Variants in ZNF573 observed in about 807,000 individuals in gnomAD.
ZNF573 encodes zinc finger protein 573.
ZNF573 carries 41 observed loss-of-function variants against 57.4 expected under a neutral mutation model. The ratio of observed to expected loss-of-function variants is 0.71; its 90% CI spans 0.56 to 0.93. The LOEUF (loss-of-function observed/expected upper bound fraction) is 0.93, where lower values mean the gene tolerates loss of function less well. ZNF573 is among the 40% of genes least tolerant of loss of function. The pLI, the probability that ZNF573 is intolerant of heterozygous loss-of-function variation, is 0.00. For synonymous variants in ZNF573, 249 were observed against 261.0 expected, an observed-to-expected ratio of 0.95 and a Z score of 0.44; for missense variants, 730 against 794.8, an observed-to-expected ratio of 0.92 and a Z score of 0.98.
chr19:37,738,567 C>A lies in ZNF573; in HGVS notation c.1923G>T (p.Lys641Asn). 1 of 1,600,076 alleles carries A rather than the reference C, an allele frequency of 6.2e-7. No individual in the cohort carries two copies. The highest frequency in any genetic ancestry group is 1.3e-5 in the African/African-American group (1 of 74,500). The change falls in exon 5 of 5, where the codon AAG becomes AAT. Residue 641 changes from lysine to asparagine, a missense_variant. Physicochemically the swap from Lys to Asn is moderately conservative, Grantham distance 94. Transcript: ENST00000536220. ...IHTGEKPYVC[K>N]QCGKTFRYGS... ...CATATCTGAAGGTTTTCCCACACTG[C>A]TTACACACATAGGGTTTCTCACCAG... is the stretch of plus-strand genomic sequence containing the variant.
chr19:37,750,504 A>G (rs75808014), intron 4 of ZNF573, among the ~76,000 whole-genome samples: 22 of 152,310 alleles, frequency 1.4e-4, no homozygotes, highest in African/African-American at 5.3e-4. Context: ...ACACATGATG[A>G]CCAAATTGGA....
Position 37,739,050 on chromosome 19 carries a change from A to G in ZNF573, c.1440T>C (p.Ser480=), listed in dbSNP as rs372094990. 16 of 1,612,882 alleles carry G rather than the reference A, an allele frequency of 9.9e-6. No homozygotes were observed. The highest frequency in any genetic ancestry group is 1.3e-5 in the Non-Finnish European group (15 of 1,179,700). Residue 480 remains serine, a synonymous_variant, in exon 5 of 5, where the codon AGT becomes AGC. Coordinates refer to ENST00000536220, the MANE Select transcript of ZNF573 (RefSeq NM_001172690.2). ...GATGTTGAATAAGGTTTGAGCCAGTACTATAGGCCTTCCCACATTCCTGAC... is the reference window on the plus strand; with the variant it reads ...GATGTTGAATAAGGTTTGAGCCAGTGCTATAGGCCTTCCCACATTCCTGAC... ...FECQECGKAY[S]TGSNLIQHRK...
intron 4 of ZNF573, among the ~76,000 whole-genome samples, chr19:37,762,837 T>A (rs1379269738): frequency 6.6e-6 from 1 of 151,462 alleles, no homozygotes; most frequent in Non-Finnish European, 1.5e-5. Flanking sequence ...AGTGGTGCGA[T>A]CTCGGCTCAC....
At position 37,739,726 on chromosome 19, in the gene ZNF573, A is replaced by G. The variant is rs145243902; in HGVS notation, c.764T>C (p.Phe255Ser). The change falls in exon 5 of 5, where the codon TTT becomes TCT. Residue 255 changes from phenylalanine (F) to serine (S), a missense_variant. Coordinates refer to ENST00000536220, the MANE Select transcript of ZNF573 (RefSeq NM_001172690.2). ...AATTCTAAGATGTCCACCTTGACTA[A>G]AGGCCCTCCCACACTCCTGACATTC... ...PYECQECGRAFSQGGHLRIHQ... is the reference protein window; with the variant it reads ...PYECQECGRASSQGGHLRIHQ... The G allele has an allele frequency of 6.2e-6, 10 of 1,613,570 alleles. No individual in the cohort carries two copies. The African/African-American group carries it at 1.3e-4, about 22-fold the overall frequency.
intron 4 of ZNF573, among the ~76,000 whole-genome samples, chr19:37,745,497 C>A (rs1273274842): frequency 6.6e-6 from 1 of 151,946 alleles, no homozygotes; most frequent in African/African-American, 2.4e-5. Flanking sequence ...CCGGGTTCAA[C>A]GGATTCTACT....
intron 4 of ZNF573, among the ~76,000 whole-genome samples, chr19:37,747,611 C>T (rs1416602234): frequency 1.3e-5 from 2 of 152,034 alleles, no homozygotes; most frequent in Admixed American, 6.6e-5. Flanking sequence ...ACCTGGCAGA[C>T]ACTACTTTAG....
chr19:37,779,246 G>A (rs2045741056), intron 1 of ZNF573, among the ~76,000 whole-genome samples: 1 of 152,102 alleles, frequency 6.6e-6, no homozygotes, highest in East Asian at 1.9e-4. Flanking sequence ...CCACCGTCAA[G>A]GAGGCACATC....
intron 4 of ZNF573, among the ~76,000 whole-genome samples, chr19:37,766,170 GTTAGAA>G (rs1247936106): frequency 1.3e-5 from 2 of 152,206 alleles, no homozygotes; most frequent in East Asian, 1.9e-4. Context: ...AAAAATAAAT[GTTAGAA>G]TTAGAATATG....
intron 4 of ZNF573, among the ~76,000 whole-genome samples, chr19:37,764,878 C>T (rs1019501193): frequency 4.7e-5 from 7 of 150,486 alleles, no homozygotes; most frequent in Non-Finnish European, 7.4e-5. Context: ...GCTCAGATTA[C>T]AGGCATGAGC....
At chr19:37,772,860 C>T (rs990956335) in intron 2 of ZNF573, 1 of 723,884 alleles carries the variant, frequency 1.4e-6, no homozygotes, top group Admixed American at 6.3e-5. Flanking sequence ...GTCTCAAACT[C>T]CTGGCCTCAA....
chr19:37,751,779 C>A (rs533503171), intron 4 of ZNF573, among the ~76,000 whole-genome samples: 2 of 63,766 alleles, frequency 3.1e-5, no homozygotes, highest in African/African-American at 1.2e-4. Context: ...TACATAGTAC[C>A]GTATATATAC....
At chr19:37,763,493 A>T (rs1398668573) in intron 4 of ZNF573, among the ~76,000 whole-genome samples, 1 of 151,920 alleles carries the variant, frequency 6.6e-6, no homozygotes, top group Non-Finnish European at 1.5e-5. Context: ...TGAAACCAGA[A>T]GGCAGAGGTT....
At chr19:37,755,285 A>G (rs1392803793) in intron 4 of ZNF573, 2 of 152,204 alleles carry the variant, frequency 1.3e-5, no homozygotes, top group African/African-American at 2.4e-5. Context: ...ATAAATCTAA[A>G]TAAGCACTGA....
chr19:37,752,829 C>T (rs1234061187), intron 4 of ZNF573, among the ~76,000 whole-genome samples: 1 of 152,054 alleles, frequency 6.6e-6, no homozygotes, highest in African/African-American at 2.4e-5. Flanking sequence ...GAGACAGGAT[C>T]CTACTATGTT....
chr19:37,763,958 G>A (rs112510641), intron 4 of ZNF573, among the ~76,000 whole-genome samples: 43,821 of 151,486 alleles, frequency 0.29, 7,492 homozygotes, highest in Non-Finnish European at 0.39. Context: ...AGATACTCTG[G>A]AGGCTGAGGC....
chr19:37,761,380 C>T (rs1051496544), intron 4 of ZNF573, among the ~76,000 whole-genome samples: 2 of 152,196 alleles, frequency 1.3e-5, no homozygotes, highest in African/African-American at 4.8e-5. Context: ...AGTTTTTTCT[C>T]GGACCTTCTC....
chr19:37,756,116 TG>T (rs1460463615), intron 4 of ZNF573, among the ~76,000 whole-genome samples: 1 of 152,190 alleles, frequency 6.6e-6, no homozygotes. Context: ...ATCTGCGAAG[TG>T]GGCACAGAGT....
chr19:37,745,096 G>GA, intron 4 of ZNF573, among the ~76,000 whole-genome samples: 1 of 148,754 alleles, frequency 6.7e-6, no homozygotes, highest in South Asian at 2.2e-4. Context: ...AATACTTAAA[G>GA]AAAAAAAATG....
chr19:37,758,205 ATATATAT>A lies in ZNF573; in HGVS notation c.295+11793_295+11799del, dbSNP rs2045511880. On this transcript the variant is annotated intron_variant, in intron 4 of 4. Coordinates refer to ENST00000536220, the MANE Select transcript of ZNF573 (RefSeq NM_001172690.2). ...CCTAGAACTTAAAGTATAATAAAAT[ATATATAT>A]ATATATATATATATATATATATATA... Among the ~76,000 whole-genome samples the A allele has an allele frequency of 9.1e-4, 33 of 36,080 alleles. 1 individual carries two copies. The highest frequency in any genetic ancestry group is 3.9e-3 in the East Asian group (2 of 508). The allele number at this position is 36,080 out of a possible 152,430, so 23.7% of individuals were successfully genotyped here.
Sources: allele counts gnomAD v4.1 joint callset (sites outside exome capture counted in the v4.1 genomes callset), GRCh38; gene constraint gnomAD v4.1.1; transcripts MANE v1.5; gene names NCBI Gene and HGNC (gene_info 2026-07-23, HGNC 2026-07-21).